SYTL5: variants seen among roughly 807,000 people sequenced by gnomAD.
SYTL5 encodes synaptotagmin like 5.
SYTL5 carries 34 observed loss-of-function variants against 55.9 expected under a neutral mutation model. The observed-to-expected ratio is 0.61, with a 90% confidence interval of 0.46 to 0.81. The LOEUF is 0.81. Among genes scored for constraint, SYTL5 ranks in the 30% least tolerant of loss-of-function variants. The probability of loss-of-function intolerance (pLI) is 0.00; values close to 1 mark genes in which losing one functional copy is unlikely to be tolerated. For missense variants in SYTL5, 637 were observed against 546.7 expected (o/e 1.17, Z -1.65); for synonymous variants, 221 against 188.7 (o/e 1.17, Z -1.40).
rs5902176 is a variant in SYTL5, at chrX:38,095,769, GT to G, written c.962-356del. 6.5e-3 allele frequency among the ~76,000 whole-genome samples: 703 copies of G among 107,396 alleles called. 11 individuals are homozygous for G. The highest frequency in any genetic ancestry group is 0.046 in the Admixed American group (455 of 9,973). The allele number at this position is 107,396 out of a possible 115,157, so 93.3% of individuals were successfully genotyped here. On this transcript the variant is annotated intron_variant, in intron 8 of 16. Coordinates refer to ENST00000297875, the MANE Select transcript of SYTL5 (RefSeq NM_138780.3). ...AATATTGCAAGCAAGAATTGTTAAT[GT>G]TTTTTTTTCTAAATTTAAGGGCCCA...
At chrX:37,962,302 C>G in the SYTL5 span, among the ~76,000 whole-genome samples, 1 of 110,219 alleles carries the variant, frequency 9.1e-6, no homozygotes, top group African/African-American at 3.3e-5. Context: ...CATTTCCTAC[C>G]TATGAGTGAG....
intron 13 of SYTL5, among the ~76,000 whole-genome samples, chrX:38,110,734 A>G (rs1234278400): frequency 8.9e-6 from 1 of 112,122 alleles, no homozygotes; most frequent in East Asian, 2.8e-4. Context: ...TTATTATTTG[A>G]CAGTCTCATT....
intron 2 of SYTL5, among the ~76,000 whole-genome samples, chrX:38,044,575 C>T (rs902148686): frequency 1.8e-5 from 2 of 111,825 alleles, no homozygotes; most frequent in East Asian, 5.6e-4. Context: ...TGTATGAATG[C>T]CCAATTTTCT....
chrX:38,011,315 T>C (rs1934174200), intron 1 of SYTL5, among the ~76,000 whole-genome samples: 1 of 112,323 alleles, frequency 8.9e-6, no homozygotes. Context: ...CAAATACTGA[T>C]GCTCTCTGTT....
chrX:38,071,409 T>G (rs769036551), intron 3 of SYTL5, among the ~76,000 whole-genome samples: 1 of 111,672 alleles, frequency 9.0e-6, no homozygotes, highest in South Asian at 3.8e-4. Flanking sequence ...TGATCTGAAT[T>G]TATTACTCCT....
At chrX:38,002,586 G>C (rs1475358524), upstream of SYTL5, among the ~76,000 whole-genome samples, 2 of 111,965 alleles carry the variant, frequency 1.8e-5, no homozygotes, top group Non-Finnish European at 3.8e-5. Context: ...ATCTCATTGT[G>C]GTTTTGATTT....
chrX:37,972,526 A>T, the SYTL5 span, among the ~76,000 whole-genome samples: 1 of 111,245 alleles, frequency 9.0e-6, no homozygotes, highest in Non-Finnish European at 1.9e-5. Context: ...CGGGGTCCTG[A>T]GTCTTCTCTG....
chrX:38,080,509 C>T (rs1936503719), intron 6 of SYTL5, among the ~76,000 whole-genome samples: 1 of 111,284 alleles, frequency 9.0e-6, no homozygotes, highest in African/African-American at 3.3e-5. Flanking sequence ...TGGTCACAGT[C>T]TCTGTGAAGC....
intron 2 of SYTL5, among the ~76,000 whole-genome samples, chrX:38,048,582 G>A (rs1336742397): frequency 5.5e-5 from 6 of 109,896 alleles, no homozygotes; most frequent in Non-Finnish European, 1.1e-4. Context: ...GGATGGGGAG[G>A]CCTCACAGTC....
the SYTL5 span, among the ~76,000 whole-genome samples, chrX:37,920,286 C>T: frequency 7.8e-4 from 86 of 110,732 alleles, no homozygotes; most frequent in African/African-American, 2.1e-3. Context: ...ATATTTGGGA[C>T]GAGGTCTGAA....
At chrX:37,907,977 C>T in the SYTL5 span, among the ~76,000 whole-genome samples, 6 of 110,106 alleles carry the variant, frequency 5.4e-5, no homozygotes, top group African/African-American at 9.9e-5. Flanking sequence ...TTTAGCTGGG[C>T]GCAGTAGCAT....
At chrX:37,937,047 CAAAAA>C in the SYTL5 span, among the ~76,000 whole-genome samples, 2 of 77,921 alleles carry the variant, frequency 2.6e-5, no homozygotes, top group Non-Finnish European at 2.5e-5. Context: ...AAGACTGTCT[CAAAAA>C]AAAAAAAAAA....
intron 1 of SYTL5, among the ~76,000 whole-genome samples, chrX:38,018,918 G>A (rs1344165574): frequency 8.9e-6 from 1 of 111,775 alleles, no homozygotes; most frequent in Non-Finnish European, 1.9e-5. Context: ...TTCTGCAAGA[G>A]CCTCCTCATT....
chrX:37,955,420 G>C, the SYTL5 span, among the ~76,000 whole-genome samples: 1 of 111,972 alleles, frequency 8.9e-6, no homozygotes, highest in Non-Finnish European at 1.9e-5. Context: ...GTCCAAAGAT[G>C]ATGACTCAAA....
chrX:38,073,059 G>A (rs1602368004), intron 4 of SYTL5, among the ~76,000 whole-genome samples: 1 of 111,636 alleles, frequency 9.0e-6, no homozygotes, highest in South Asian at 3.8e-4. Context: ...ACACAGATCC[G>A]ATACTACAGA....
chrX:38,092,927 G>A (rs1390856931), intron 7 of SYTL5, among the ~76,000 whole-genome samples: 1 of 111,853 alleles, frequency 8.9e-6, no homozygotes, highest in Admixed American at 9.5e-5. Context: ...TGGCCTATTA[G>A]TGCTCAATAC....
At chrX:37,895,445 C>T in the SYTL5 span, among the ~76,000 whole-genome samples, 1 of 94,766 alleles carries the variant, frequency 1.1e-5, no homozygotes, top group Non-Finnish European at 2.0e-5. Flanking sequence ...TCCTTCCTTC[C>T]TTCCTTCCTT....
At chrX:37,901,574 T>C in the SYTL5 span, among the ~76,000 whole-genome samples, 1 of 112,149 alleles carries the variant, frequency 8.9e-6, no homozygotes, top group Admixed American at 9.5e-5. Flanking sequence ...CTCTAAGAAG[T>C]AGGCCCATAT....
the SYTL5 span, among the ~76,000 whole-genome samples, chrX:37,915,961 G>A: frequency 0.34 from 37,424 of 110,450 alleles, 7,309 homozygotes; most frequent in African/African-American, 0.75. Context: ...TAGGAGAGCC[G>A]TCTCAGTTTC....
Sources: allele counts gnomAD v4.1 joint callset (sites outside exome capture counted in the v4.1 genomes callset), GRCh38; gene constraint gnomAD v4.1.1; transcripts MANE v1.5; gene names NCBI Gene and HGNC (gene_info 2026-07-23, HGNC 2026-07-21).